The following PKP2 variants were observed in gnomAD, a reference collection of about 807,000 sequenced individuals.
PKP2 encodes plakophilin 2.
PKP2 carries 73 observed loss-of-function variants against 83.4 expected under a neutral mutation model. That is an observed-to-expected ratio of 0.88 (90% CI 0.72 to 1.06). The LOEUF (loss-of-function observed/expected upper bound fraction) is 1.06. PKP2 is among the 50% of genes least tolerant of loss of function. The probability of loss-of-function intolerance (pLI) is 0.00; values close to 1 mark genes in which losing one functional copy is unlikely to be tolerated. For synonymous variants in PKP2, 409 were observed against 430.4 expected (o/e 0.95, Z 0.62); for missense variants, 966 against 1,065.4 (o/e 0.91, Z 1.30).
intron 1 of PKP2, among the ~76,000 whole-genome samples, chr12:32,888,939 A>G (rs907230481): frequency 2.6e-5 from 4 of 152,094 alleles, no homozygotes; most frequent in African/African-American, 7.2e-5. Context: ...TACAGGAAAG[A>G]GCCACCATGC....
chr12:32,831,028 T>C (rs1437195985), intron 6 of PKP2, among the ~76,000 whole-genome samples: 2 of 152,228 alleles, frequency 1.3e-5, no homozygotes, highest in Admixed American at 1.3e-4. Flanking sequence ...TCCTCTCAAT[T>C]AGCTAGAATA....
At position 32,881,406 on chromosome 12, in the gene PKP2, TTAAA is replaced by T. The variant is rs1956984803; in HGVS notation, c.224-2378_224-2375del. Among the ~76,000 whole-genome samples, 3 of 152,208 alleles carry T rather than the reference TTAAA, an allele frequency of 2.0e-5. No homozygotes were observed. The South Asian group carries it at 6.2e-4, about 32-fold the overall frequency. On this transcript the variant is annotated intron_variant, in intron 1 of 12. Transcript: ENST00000340811. ...GCAAAGAACGGCTGGAACTTGGACC[TTAAA>T]TAAAGAAAAAAAATTTTTTTCTATA...
intron 9 of PKP2, among the ~76,000 whole-genome samples, chr12:32,818,734 C>G (rs1956343790): frequency 6.6e-6 from 1 of 152,086 alleles, no homozygotes; most frequent in African/African-American, 2.4e-5. Flanking sequence ...AGCTTGGGTT[C>G]TTTGCCACGT....
chr12:32,862,747 C>G (rs1956811738), intron 4 of PKP2, among the ~76,000 whole-genome samples: 1 of 152,052 alleles, frequency 6.6e-6, no homozygotes. Flanking sequence ...TCAGGAGGAC[C>G]CAAGTGGATC....
In PKP2 at chr12:32,792,003, A is replaced by G. The variant is rs1283217414; in HGVS notation, c.*421T>C. ...TCAACACTGCAGAACAATACACTGGAGGCCCAATGGCGAAGCAATGTGCAC... is the reference window on the plus strand; with the variant it reads ...TCAACACTGCAGAACAATACACTGGGGGCCCAATGGCGAAGCAATGTGCAC... On this transcript the variant is annotated 3_prime_UTR_variant, in exon 13 of 13. Transcript: ENST00000340811. 11 of 293,100 alleles carry G rather than the reference A, an allele frequency of 3.8e-5. No individual in the cohort carries two copies. 18.2% of individuals were successfully genotyped at this position (293,100 alleles called of 1,614,324 possible).
intron 1 of PKP2, chr12:32,893,469 G>A (rs1591834926): frequency 6.6e-6 from 1 of 152,066 alleles, no homozygotes; most frequent in Non-Finnish European, 1.5e-5. Flanking sequence ...CAATACATAC[G>A]AACCACCCCT....
chr12:32,793,942 A>G (rs1244057609), intron 11 of PKP2, among the ~76,000 whole-genome samples: 1 of 152,136 alleles, frequency 6.6e-6, no homozygotes, highest in African/African-American at 2.4e-5. Flanking sequence ...TCTGGCTTAG[A>G]TCAGTGCCGC....
chr12:32,864,309 T>TACACAC (rs35886681), intron 4 of PKP2, among the ~76,000 whole-genome samples: 27 of 145,850 alleles, frequency 1.9e-4, no homozygotes, highest in African/African-American at 3.0e-4. Context: ...ACTATACACA[T>TACACAC]ACACACACAC....
In PKP2 at chr12:32,869,049, C is replaced by A. The variant is rs147264025; in HGVS notation, c.1048G>T (p.Glu350Ter). The A allele has an allele frequency of 1.2e-6, 2 of 1,613,858 alleles. No individual in the cohort carries two copies. Among genetic ancestry groups the A allele is most frequent in the Non-Finnish European group, 1.7e-6 (2 of 1,180,034 alleles). The change falls in exon 4 of 13, where the codon GAG (glutamate) becomes TAG (stop). Residue 350 changes from glutamate to a stop codon, truncating the protein, a stop_gained. Transcript: ENST00000340811. LOFTEE classifies it high-confidence loss of function. ...CTCACTGCTCGCTCCAGAGTCATCT[C>A]CATGTCTGCATTCCTAGACAAACAG... Reference protein sequence around the residue: ...TDSQLGNADMEMTLERAVSML... With the variant: ...TDSQLGNADM
chr12:32,837,256 A>C (rs1304323349), intron 6 of PKP2, among the ~76,000 whole-genome samples: 1 of 152,224 alleles, frequency 6.6e-6, no homozygotes, highest in Admixed American at 6.5e-5. Flanking sequence ...TATCTAGCAT[A>C]CTGACTAAGA....
At chr12:32,829,473 A>T (rs1357042889) in intron 6 of PKP2, among the ~76,000 whole-genome samples, 1 of 149,186 alleles carries the variant, frequency 6.7e-6, no homozygotes, top group Non-Finnish European at 1.5e-5. Context: ...CTGGTTTCAA[A>T]CTCCTGGTTT....
chr12:32,819,273 G>A (rs1399522321), intron 9 of PKP2, among the ~76,000 whole-genome samples: 12 of 148,664 alleles, frequency 8.1e-5, no homozygotes, highest in Admixed American at 4.0e-4. Flanking sequence ...GTGAGATTCC[G>A]CCTCAAAATA....
intron 11 of PKP2, among the ~76,000 whole-genome samples, chr12:32,795,596 G>T (rs1378079816): frequency 6.6e-6 from 1 of 152,080 alleles, no homozygotes; most frequent in African/African-American, 2.4e-5. Context: ...GGCCAGGCTG[G>T]TCTCGAACTT....
In PKP2 at chr12:32,878,081, T is replaced by C; in HGVS notation, c.799A>G (p.Thr267Ala). 6.2e-7 allele frequency: 1 copy of C among 1,614,122 alleles called. No homozygotes were observed. The highest frequency in any genetic ancestry group is 8.5e-7 in the Non-Finnish European group (1 of 1,180,030). The change falls in exon 3 of 13, where the codon ACT becomes GCT. Residue 267 changes from threonine (T) to alanine (A), a missense_variant. Coordinates refer to ENST00000340811, the MANE Select transcript of PKP2 (RefSeq NM_001005242.3). ...EKENYLTAGL[T>A]VGQVRPLVPL... ...ACCAGCGGCCTGACCTGCCCGACAG[T>C]GAGCCCTGCCGTCAGGTAGTTCTCC...
intron 9 of PKP2, among the ~76,000 whole-genome samples, chr12:32,806,251 CTT>C (rs1956224955): frequency 6.6e-6 from 1 of 152,148 alleles, no homozygotes; most frequent in Non-Finnish European, 1.5e-5. Context: ...AGGAGTCCCT[CTT>C]TTTCAATTTT....
intron 1 of PKP2, among the ~76,000 whole-genome samples, chr12:32,883,588 T>C (rs1029321936): frequency 2.6e-5 from 4 of 152,320 alleles, no homozygotes; most frequent in South Asian, 2.1e-4. Flanking sequence ...AAATCCAACA[T>C]GAAAATCCAG....
At chr12:32,803,380 C>A (rs1469568507) in intron 9 of PKP2, among the ~76,000 whole-genome samples, 2 of 152,100 alleles carry the variant, frequency 1.3e-5, no homozygotes, top group Admixed American at 6.6e-5. Flanking sequence ...AACAAACAAA[C>A]AAACAAACAA....
chr12:32,856,313 C>A (rs904751025), intron 4 of PKP2, among the ~76,000 whole-genome samples: 3 of 152,024 alleles, frequency 2.0e-5, no homozygotes, highest in Non-Finnish European at 4.4e-5. Context: ...GGCTGTGAAG[C>A]ATGAGACTAT....
At chr12:32,874,834 T>A (rs976131727) in intron 3 of PKP2, among the ~76,000 whole-genome samples, 1 of 152,100 alleles carries the variant, frequency 6.6e-6, no homozygotes, top group Non-Finnish European at 1.5e-5. Flanking sequence ...TCAACCTCCC[T>A]GGCTCAAGCA....
Sources: gnomAD v4.1 joint callset for allele counts (sites outside exome capture counted in the v4.1 genomes callset) on GRCh38, gnomAD v4.1.1 for gene constraint, MANE v1.5 for transcripts, NCBI Gene and HGNC (gene_info 2026-07-23, HGNC 2026-07-21) for gene names.